The following CDKAL1 variants were observed in gnomAD, a reference collection of about 807,000 sequenced individuals.
CDKAL1 encodes threonylcarbamoyladenosine tRNA methylthiotransferase.
CDKAL1 carries 32 observed loss-of-function variants against 68.2 expected under a neutral mutation model. The observed-to-expected ratio is 0.47, with a 90% CI of 0.35 to 0.63. The LOEUF is 0.63. Among genes scored for constraint, CDKAL1 ranks in the 30% least tolerant of loss-of-function variants. The probability of loss-of-function intolerance (pLI) is 0.00; values close to 1 mark genes in which losing one functional copy is unlikely to be tolerated. For missense variants in CDKAL1, 606 were observed against 696.7 expected, an observed-to-expected ratio of 0.87 and a Z score of 1.47; for synonymous variants, 234 against 244.3, an observed-to-expected ratio of 0.96 and a Z score of 0.39.
At chr6:20,910,547 G>C (rs12198263) in intron 9 of CDKAL1, among the ~76,000 whole-genome samples, 16,114 of 152,222 alleles carry the variant, frequency 0.11, 941 homozygotes, top group African/African-American at 0.14. Context: ...TGTCTGGCCA[G>C]GAATTAGATT....
chr6:20,577,508 C>CACCT lies in CDKAL1; in HGVS notation c.286+28804_286+28807dup, dbSNP rs144087295. Among the ~76,000 whole-genome samples, 263 of 152,300 alleles carry CACCT rather than the reference C, an allele frequency of 1.7e-3. 6 individuals are homozygous for CACCT. The East Asian group carries it at 0.039, about 23-fold the overall frequency. On this transcript the variant is annotated intron_variant, in intron 4 of 15. Transcript: ENST00000274695. ...TATAACCATCTGTTCAGATGTCTGT[C>CACCT]ACCTCTACCAGGCTGTACTTCATCT... is the stretch of plus-strand genomic sequence containing the variant.
At chr6:20,576,277 C>T (rs1364832524) in intron 4 of CDKAL1, among the ~76,000 whole-genome samples, 2 of 152,176 alleles carry the variant, frequency 1.3e-5, no homozygotes, top group Non-Finnish European at 2.9e-5. Context: ...CTCTGTCAGT[C>T]ATTTTGGCTT....
chr6:20,618,186 CA>C (rs1767011239), intron 4 of CDKAL1, among the ~76,000 whole-genome samples: 1 of 152,152 alleles, frequency 6.6e-6, no homozygotes. Context: ...AGCATTTTTT[CA>C]TGTGTCTGTT....
intron 5 of CDKAL1, among the ~76,000 whole-genome samples, chr6:20,663,023 G>C (rs894250542): frequency 6.6e-6 from 1 of 152,038 alleles, no homozygotes; most frequent in African/African-American, 2.4e-5. Context: ...TTTCCCTTTT[G>C]GTGTCAAATG....
chr6:20,764,282 T>C (rs59840719), intron 7 of CDKAL1, among the ~76,000 whole-genome samples: 17,602 of 152,244 alleles, frequency 0.12, 1,239 homozygotes, highest in East Asian at 0.34. Context: ...CATGTTTCTT[T>C]ACCAATCAAC....
chr6:20,825,654 C>T (rs968760259), intron 8 of CDKAL1, among the ~76,000 whole-genome samples: 3 of 152,096 alleles, frequency 2.0e-5, no homozygotes, highest in African/African-American at 7.2e-5. Flanking sequence ...CCTGATAGTA[C>T]TTGTGGCATC....
At chr6:20,888,527 C>G (rs1380481274) in intron 9 of CDKAL1, among the ~76,000 whole-genome samples, 6 of 115,140 alleles carry the variant, frequency 5.2e-5, no homozygotes. Context: ...CCCCTCCCCC[C>G]ACCCCACAAC....
intron 13 of CDKAL1, among the ~76,000 whole-genome samples, chr6:21,145,617 T>C (rs1455061188): frequency 1.3e-5 from 2 of 152,226 alleles, no homozygotes; most frequent in Non-Finnish European, 2.9e-5. Flanking sequence ...TAGAGTGATA[T>C]CAAGTAATTA....
chr6:20,687,430 A>G (rs1770676556), intron 5 of CDKAL1, among the ~76,000 whole-genome samples: 1 of 152,140 alleles, frequency 6.6e-6, no homozygotes, highest in Non-Finnish European at 1.5e-5. Context: ...GGTTCATTTC[A>G]TCTGGGTTAT....
At chr6:20,910,646 G>T (rs902120709) in intron 9 of CDKAL1, among the ~76,000 whole-genome samples, 2 of 152,094 alleles carry the variant, frequency 1.3e-5, no homozygotes, top group African/African-American at 4.8e-5. Flanking sequence ...GCATGGTGTT[G>T]TGGGTTAAAT....
chr6:20,787,189 T>C (rs1276579768), intron 8 of CDKAL1, among the ~76,000 whole-genome samples: 1 of 152,190 alleles, frequency 6.6e-6, no homozygotes, highest in African/African-American at 2.4e-5. Context: ...GACAGACATA[T>C]GGTGGTAACT....
chr6:20,756,131 C>T (rs1339171764), intron 6 of CDKAL1: 2 of 152,174 alleles, frequency 1.3e-5, no homozygotes, highest in African/African-American at 4.8e-5. Context: ...GGTCTACTTC[C>T]TGAAGATCAT....
chr6:21,082,117 T>A (rs1350202151), intron 12 of CDKAL1, among the ~76,000 whole-genome samples: 1 of 152,206 alleles, frequency 6.6e-6, no homozygotes, highest in Admixed American at 6.5e-5. Context: ...TATAATCAAA[T>A]ATGAGCAAAT....
chr6:20,902,188 G>A (rs529847841), intron 9 of CDKAL1, among the ~76,000 whole-genome samples: 1 of 152,102 alleles, frequency 6.6e-6, no homozygotes, highest in African/African-American at 2.4e-5. Flanking sequence ...GCAGTGAAAT[G>A]ACATCATCTG....
chr6:20,561,467 AAAAAG>A (rs1302301608), intron 4 of CDKAL1, among the ~76,000 whole-genome samples: 6 of 150,296 alleles, frequency 4.0e-5, no homozygotes, highest in African/African-American at 1.2e-4. Flanking sequence ...AAAAAAAAAA[AAAAAG>A]AACAGACTGT....
At chr6:20,762,752 A>G (rs1774525651) in intron 7 of CDKAL1, among the ~76,000 whole-genome samples, 1 of 152,188 alleles carries the variant, frequency 6.6e-6, no homozygotes, top group African/African-American at 2.4e-5. Context: ...TCCTTAATAT[A>G]AGAACTGCTG....
At chr6:21,017,173 G>A (rs1192246378) in intron 11 of CDKAL1, among the ~76,000 whole-genome samples, 1 of 152,116 alleles carries the variant, frequency 6.6e-6, no homozygotes, top group Admixed American at 6.6e-5. Context: ...GCATGCATAT[G>A]TCCTCTCCTA....
chr6:20,750,302 C>A (rs1458366963), intron 6 of CDKAL1, among the ~76,000 whole-genome samples: 1 of 152,108 alleles, frequency 6.6e-6, no homozygotes, highest in Non-Finnish European at 1.5e-5. Context: ...AACTCCTGGG[C>A]TCAAGTGATT....
intron 11 of CDKAL1, among the ~76,000 whole-genome samples, chr6:21,063,507 A>G (rs1186705570): frequency 6.6e-6 from 1 of 152,218 alleles, no homozygotes; most frequent in Admixed American, 6.5e-5. Flanking sequence ...TTAAATGTAA[A>G]AGAACAGCAA....
Sources: allele counts gnomAD v4.1 joint callset (sites outside exome capture counted in the v4.1 genomes callset), GRCh38; gene constraint gnomAD v4.1.1; transcripts MANE v1.5; gene names NCBI Gene and HGNC (gene_info 2026-07-23, HGNC 2026-07-21).